The following PCLO variants were observed in gnomAD, a reference collection of about 807,000 sequenced individuals.
PCLO encodes protein piccolo.
Under a neutral mutation model 427.5 loss-of-function variants are expected in PCLO, and 82 were observed. The observed-to-expected ratio is 0.19, with a 90% CI of 0.16 to 0.23. The LOEUF (loss-of-function observed/expected upper bound fraction) is 0.23, where lower values mean the gene tolerates loss of function less well. Among genes scored for constraint, PCLO ranks in the 10% least tolerant of loss-of-function variants. The pLI, the probability that PCLO is intolerant of heterozygous loss-of-function variation, is 1.00. For synonymous variants in PCLO, 2,357 were observed against 2,155.4 expected, an observed-to-expected ratio of 1.09 and a Z score of -2.59; for missense variants, 6,239 against 6,115.9, an observed-to-expected ratio of 1.02 and a Z score of -0.67.
chr7:82,852,577 T>C (rs540283065), intron 10 of PCLO, among the ~76,000 whole-genome samples: 2 of 152,264 alleles, frequency 1.3e-5, no homozygotes, highest in South Asian at 4.1e-4. Flanking sequence ...CTTTGGGCAC[T>C]GCTGGCTTCC....
chr7:82,968,228 C>T (rs1188682048), intron 3 of PCLO, among the ~76,000 whole-genome samples: 1 of 152,074 alleles, frequency 6.6e-6, no homozygotes, highest in Non-Finnish European at 1.5e-5. Flanking sequence ...GATTCATTTG[C>T]TTTTTGTGTA....
intron 3 of PCLO, among the ~76,000 whole-genome samples, chr7:82,971,659 G>C (rs1795909981): frequency 6.8e-6 from 1 of 147,330 alleles, no homozygotes; most frequent in African/African-American, 2.5e-5. Context: ...GGTGCTGTTT[G>C]CAACATTTCT....
In PCLO at chr7:82,954,565, C is replaced by T. The variant is rs1379709034; in HGVS notation, c.6388G>A (p.Val2130Ile). 6.2e-7 allele frequency: 1 copy of T among 1,613,798 alleles called. No homozygotes were observed. Among genetic ancestry groups the T allele is most frequent in the Non-Finnish European group, 8.5e-7 (1 of 1,179,860 alleles). The change falls in exon 5 of 25, where the codon GTT becomes ATT. Residue 2130 changes from valine to isoleucine, a missense_variant. By Grantham distance (29) the Val-to-Ile change is conservative. Transcript: ENST00000333891. ...GTTGAAAAATGTTGGGTTATTTTAACATCTGGGATAGAGAGTGTTGCACTG... is the reference window on the plus strand; with the variant it reads ...GTTGAAAAATGTTGGGTTATTTTAATATCTGGGATAGAGAGTGTTGCACTG... Reference protein sequence around the residue: ...TSSATLSIPDVKITQHFSTEE... With the variant: ...TSSATLSIPDIKITQHFSTEE...
intron 3 of PCLO, among the ~76,000 whole-genome samples, chr7:83,000,268 T>TGAGAGAGAGAGAGAGAGA (rs145445022): frequency 1.3e-4 from 7 of 54,124 alleles, no homozygotes; most frequent in African/African-American, 5.8e-4. Flanking sequence ...TTCAAAGTGT[T>TGAGAGAGAGAGAGAGAGA]GAGAGAGAGA....
chr7:83,067,711 T>G (rs534198344), intron 3 of PCLO, among the ~76,000 whole-genome samples: 2 of 152,238 alleles, frequency 1.3e-5, no homozygotes, highest in Admixed American at 1.3e-4. Flanking sequence ...TTGTTTAACA[T>G]GACTTGTTTT....
chr7:82,857,992 T>C (rs946277811), intron 10 of PCLO, among the ~76,000 whole-genome samples: 7 of 152,102 alleles, frequency 4.6e-5, no homozygotes, highest in African/African-American at 1.7e-4. Flanking sequence ...ATTACCCTGA[T>C]ACCAAGGCCA....
At position 83,134,242 on chromosome 7, in the gene PCLO, T is replaced by TATATATATATATATATATAA. The variant is rs746054139; in HGVS notation, c.3300+7_3300+8insTTATATATATATATATATAT. The stretch of plus-strand genomic sequence containing the variant: ...TAATATATATATATATATATATATA[T>TATATATATATATATATATAA]AACTTACCTCAGTCAAATGTGGTGT... On this transcript the variant is annotated splice_region_variant and intron_variant, in intron 3 of 24. Coordinates refer to ENST00000333891, the MANE Select transcript of PCLO (RefSeq NM_033026.6). 1.2e-4 allele frequency: 124 copies of TATATATATATATATATATAA among 1,068,384 alleles called. No homozygotes were observed. The highest frequency in any genetic ancestry group is 8.5e-4 in the East Asian group (27 of 31,760). The allele number at this position is 1,068,384 out of a possible 1,614,324, so 66.2% of individuals were successfully genotyped here. A position where few individuals can be genotyped will look rare whatever the true frequency, so the allele number is the denominator to read the frequency against.
intron 10 of PCLO, among the ~76,000 whole-genome samples, chr7:82,865,951 G>A (rs1016715673): frequency 6.6e-5 from 10 of 152,020 alleles, no homozygotes; most frequent in African/African-American, 1.7e-4. Flanking sequence ...GGTCAATTGC[G>A]TCTCATCTCA....
intron 3 of PCLO, among the ~76,000 whole-genome samples, chr7:83,026,249 G>C (rs1788493590): frequency 6.6e-6 from 1 of 152,078 alleles, no homozygotes; most frequent in South Asian, 2.1e-4. Flanking sequence ...AAAATAAAAG[G>C]ATGGAGGAAG....
intron 6 of PCLO, among the ~76,000 whole-genome samples, chr7:82,922,501 A>G (rs1584158897): frequency 6.6e-6 from 1 of 152,078 alleles, no homozygotes; most frequent in African/African-American, 2.4e-5. Flanking sequence ...AAAACCAAAT[A>G]CCACATGTTG....
rs140197008 is a variant in PCLO, at chr7:82,853,491, G to A, written c.13655-6244C>T. On this transcript the variant is annotated intron_variant, in intron 10 of 24. Coordinates refer to ENST00000333891, the MANE Select transcript of PCLO (RefSeq NM_033026.6). ...TGGAAGGAAGGTACTCTGAATTTCC[G>A]TTTATTGAAAATGAAATCTTAATTG... Among the ~76,000 whole-genome samples the A allele has an allele frequency of 2.6e-3, 402 of 152,102 alleles. 1 individual carries two copies. The highest frequency in any genetic ancestry group is 9.0e-3 in the African/African-American group (373 of 41,508).
At chr7:82,918,998 C>T (rs1794533940) in intron 6 of PCLO, among the ~76,000 whole-genome samples, 1 of 151,954 alleles carries the variant, frequency 6.6e-6, no homozygotes, top group Non-Finnish European at 1.5e-5. Flanking sequence ...TATATTTGAA[C>T]TTGGAAGTCA....
At position 83,004,587 on chromosome 7, in the gene PCLO, A is replaced by C. The variant is rs573012956; in HGVS notation, c.3301-38100T>G. 5.3e-5 allele frequency among the ~76,000 whole-genome samples: 8 copies of C among 151,582 alleles called. No homozygotes were observed. The South Asian group carries it at 1.7e-3, about 31-fold the overall frequency. ...TAAAAATCCTGCAAGAAAACAGATA[A>C]AAGTTCCTTGACATTGGTTTTGGCA... On this transcript the variant is annotated intron_variant, in intron 3 of 24. Transcript: ENST00000333891.
At chr7:82,913,880 T>G (rs1476771136) in intron 7 of PCLO, among the ~76,000 whole-genome samples, 1 of 151,752 alleles carries the variant, frequency 6.6e-6, no homozygotes, top group African/African-American at 2.4e-5. Context: ...AAAAACAAAA[T>G]CAAGAAACCA....
At chr7:83,117,188 C>A in intron 3 of PCLO, among the ~76,000 whole-genome samples, 1 of 152,066 alleles carries the variant, frequency 6.6e-6, no homozygotes, top group East Asian at 1.9e-4. Flanking sequence ...ATTCATTTTC[C>A]TGAGCCTAAT....
At position 82,755,741 on chromosome 7, in the gene PCLO, C is replaced by G. The variant is rs925112728; in HGVS notation, c.*2834G>C. On this transcript the variant is annotated 3_prime_UTR_variant, in exon 25 of 25. Coordinates refer to ENST00000333891, the MANE Select transcript of PCLO (RefSeq NM_033026.6). ...GATATGTACAAAAAAGTAAAAAACACCAAGAGCCCTATTTGCAATAAAAAA... is the reference window on the plus strand; with the variant it reads ...GATATGTACAAAAAAGTAAAAAACAGCAAGAGCCCTATTTGCAATAAAAAA... 3.9e-5 allele frequency: 6 copies of G among 151,976 alleles called. No individual in the cohort carries two copies. Among genetic ancestry groups the G allele is most frequent in the Non-Finnish European group, 8.8e-5 (6 of 67,988 alleles). The allele number at this position is 151,976 out of a possible 1,614,324, so 9.4% of individuals were successfully genotyped here.
Position 83,154,943 on chromosome 7 carries a change from A to C in PCLO, c.1698T>G (p.Pro566=), listed in dbSNP as rs1792230045. 1.2e-6 allele frequency: 2 copies of C among 1,613,926 alleles called. No individual in the cohort carries two copies. The highest frequency in any genetic ancestry group is 1.7e-6 in the Non-Finnish European group (2 of 1,179,880). ...KPVSQTGSGK[P]LQPPTVSPSA... is the part of the protein sequence containing the mutation. The stretch of plus-strand genomic sequence containing the variant: ...ATGGAGACACTGTTGGTGGCTGCAG[A>C]GGTTTTCCAGATCCTGTTTGGCTTA... Residue 566 remains proline (P), a synonymous_variant, in exon 2 of 25, where the codon CCT becomes CCG. Transcript: ENST00000333891.
At chr7:83,061,235 T>A (rs1460160255) in intron 3 of PCLO, among the ~76,000 whole-genome samples, 1 of 152,170 alleles carries the variant, frequency 6.6e-6, no homozygotes, top group African/African-American at 2.4e-5. Context: ...CCCATTCAAC[T>A]TGTTGGCAGA....
intron 6 of PCLO, among the ~76,000 whole-genome samples, chr7:82,946,649 A>T (rs752427588): frequency 3.9e-5 from 6 of 152,138 alleles, no homozygotes; most frequent in Non-Finnish European, 7.3e-5. Context: ...AAAGAACAGC[A>T]TGGCCTGTGG....
Sources: allele counts gnomAD v4.1 joint callset (sites outside exome capture counted in the v4.1 genomes callset), GRCh38; gene constraint gnomAD v4.1.1; transcripts MANE v1.5; gene names NCBI Gene and HGNC (gene_info 2026-07-23, HGNC 2026-07-21).